MTREX: variants seen among roughly 807,000 people sequenced by gnomAD.
The protein encoded by MTREX is exosome RNA helicase MTR4.
A neutral mutation model predicts 135.4 loss-of-function variants in MTREX; 76 were observed. The observed-to-expected ratio is 0.56, with a 90% CI of 0.47 to 0.68. The LOEUF (loss-of-function observed/expected upper bound fraction) is 0.68, where lower values mean the gene tolerates loss of function less well. MTREX is among the 30% of genes least tolerant of loss of function. The pLI is 0.00. For synonymous variants in MTREX, 404 were observed against 401.6 expected (o/e 1.01, Z -0.07); for missense variants, 920 against 1,262.1 (o/e 0.73, Z 4.11).
chr5:55,352,185 A>C (rs1189287079), intron 13 of MTREX, among the ~76,000 whole-genome samples: 1 of 152,038 alleles, frequency 6.6e-6, no homozygotes, highest in South Asian at 2.1e-4. Context: ...AGCCTCATAC[A>C]TTATGTTTAA....
chr5:55,359,411 A>G (rs912828550), intron 15 of MTREX, among the ~76,000 whole-genome samples: 3 of 152,176 alleles, frequency 2.0e-5, no homozygotes, highest in Non-Finnish European at 2.9e-5. Flanking sequence ...ACATGTTAAG[A>G]CACACTTAGG....
chr5:55,363,640 T>C (rs112322503), intron 15 of MTREX, among the ~76,000 whole-genome samples: 35 of 152,324 alleles, frequency 2.3e-4, no homozygotes, highest in African/African-American at 8.4e-4. Flanking sequence ...AGAGTTCTTA[T>C]ATTTTTAGTA....
intron 5 of MTREX, among the ~76,000 whole-genome samples, chr5:55,336,232 C>CAT (rs1417618387): frequency 3.3e-5 from 5 of 152,048 alleles, no homozygotes; most frequent in Admixed American, 3.3e-4. Context: ...TGTCTTATTG[C>CAT]ATTGTCAATA....
At chr5:55,365,365 ATCC>A (rs1750085168) in intron 15 of MTREX, among the ~76,000 whole-genome samples, 1 of 152,182 alleles carries the variant, frequency 6.6e-6, no homozygotes, top group African/African-American at 2.4e-5. Context: ...CTTACTAACT[ATCC>A]TCCTAAAGTA....
At chr5:55,346,982 A>G (rs202057370) in intron 10 of MTREX, 31 bp from the exon 11 acceptor site, 2 of 1,559,678 alleles carry the variant, frequency 1.3e-6, no homozygotes, top group Non-Finnish European at 1.7e-6. Flanking sequence ...ATTTTGAGTT[A>G]ATTTTGGTGT....
intron 24 of MTREX, 35 bp from the exon 25 acceptor site, chr5:55,415,935 A>AT (rs70992787): frequency 0.029 from 42,708 of 1,478,644 alleles, 1,387 homozygotes; most frequent in Admixed American, 0.13. Flanking sequence ...ATGGGAGATC[A>AT]TAAGTAAGGA....
rs1439099312 is a variant in MTREX at position 55,366,974 on chromosome 5, A to G, written c.1810+99A>G. 6.1e-6 allele frequency: 6 copies of G among 991,690 alleles called. No homozygotes were observed. The African/African-American group carries it at 8.2e-5, about 13-fold the overall frequency. 61.4% of individuals were successfully genotyped at this position (991,690 alleles called of 1,614,324 possible). Reference sequence around the variant, plus strand: ...GCTTTGGCTTTTGTTTTTGTAAGGTAAATTTTGGTTCATACGTAATGGACT... The same window carrying G: ...GCTTTGGCTTTTGTTTTTGTAAGGTGAATTTTGGTTCATACGTAATGGACT... On this transcript the variant is annotated intron_variant, in intron 16 of 26. Transcript: ENST00000230640.
intron 19 of MTREX, among the ~76,000 whole-genome samples, chr5:55,391,845 A>G (rs1247160959): frequency 6.6e-6 from 1 of 152,066 alleles, no homozygotes; most frequent in Non-Finnish European, 1.5e-5. Flanking sequence ...ATTGATTTAT[A>G]ACTGCTGTAA....
rs972594224 is a variant in MTREX at position 55,350,981 on chromosome 5, T to C, written c.1383T>C (p.Pro461=). ...GIGIHHGGLL[P]ILKETIEILF... ...GTATTCACCATGGTGGTTTACTTCC[T>C]ATTTTGAAAGAAACTATAGAAATTC... is the stretch of plus-strand genomic sequence containing the variant. Residue 461 remains proline, a synonymous_variant, in exon 13 of 27, where the codon CCT becomes CCC. Coordinates refer to ENST00000230640, the MANE Select transcript of MTREX (RefSeq NM_015360.5). 2 of 1,607,102 alleles carry C rather than the reference T, an allele frequency of 1.2e-6. No individual in the cohort carries two copies. The highest frequency in any genetic ancestry group is 1.7e-6 in the Non-Finnish European group (2 of 1,178,378).
At chr5:55,333,693 A>G (rs976042422) in intron 5 of MTREX, among the ~76,000 whole-genome samples, 3 of 152,178 alleles carry the variant, frequency 2.0e-5, no homozygotes, top group African/African-American at 7.2e-5. Flanking sequence ...AATTCTTCAA[A>G]AAGTTATAAT....
chr5:55,423,200 C>T (rs996018563), intron 26 of MTREX: 5 of 528,336 alleles, frequency 9.5e-6, no homozygotes, highest in Non-Finnish European at 1.7e-5. Flanking sequence ...ACGCTAACTA[C>T]ATGCCAGGCA....
intron 19 of MTREX, among the ~76,000 whole-genome samples, chr5:55,396,337 G>A (rs1167106792): frequency 6.6e-6 from 1 of 152,166 alleles, no homozygotes; most frequent in Non-Finnish European, 1.5e-5. Context: ...GGGGAAATCT[G>A]AATAGGGATT....
At chr5:55,390,598 C>T (rs555723144) in intron 19 of MTREX, among the ~76,000 whole-genome samples, 1 of 152,242 alleles carries the variant, frequency 6.6e-6, no homozygotes, top group South Asian at 2.1e-4. Flanking sequence ...TGTTGCTTTG[C>T]CAGCTCCCAT....
chr5:55,344,490 A>G, intron 8 of MTREX, 32 bp from the exon 9 acceptor site: 2 of 1,424,976 alleles, frequency 1.4e-6, no homozygotes, highest in Non-Finnish European at 2.0e-6. Context: ...GAGGAAATAA[A>G]ATTTTGTATG....
chr5:55,352,329 C>T (rs940431714), intron 13 of MTREX, among the ~76,000 whole-genome samples: 1 of 152,080 alleles, frequency 6.6e-6, no homozygotes, highest in African/African-American at 2.4e-5. Context: ...TTTATACTTA[C>T]TTAGATCCTG....
intron 19 of MTREX, among the ~76,000 whole-genome samples, chr5:55,395,918 GGTGGGGAAGGTACA>G (rs1229995190): frequency 1.3e-5 from 2 of 152,214 alleles, no homozygotes; most frequent in Non-Finnish European, 2.9e-5. Flanking sequence ...ATGGAGTAGT[GGTGGGGAAGGTACA>G]GTGGTATAAA....
intron 1 of MTREX, among the ~76,000 whole-genome samples, chr5:55,312,546 C>T (rs1419951422): frequency 6.6e-6 from 1 of 151,986 alleles, no homozygotes; most frequent in Non-Finnish European, 1.5e-5. Context: ...CTATCTAGAA[C>T]TTATATTTTC....
chr5:55,347,251 C>A, intron 11 of MTREX, 107 bp downstream of exon 11: 1 of 1,125,218 alleles, frequency 8.9e-7, no homozygotes, highest in Non-Finnish European at 1.3e-6. Context: ...TGCCATTCAC[C>A]TTACAGTTAC....
chr5:55,394,514 A>G (rs1750617424), intron 19 of MTREX, among the ~76,000 whole-genome samples: 1 of 152,184 alleles, frequency 6.6e-6, no homozygotes, highest in African/African-American at 2.4e-5. Flanking sequence ...ATCAGACCTT[A>G]GATTCTCATA....
Sources: allele counts gnomAD v4.1 joint callset (sites outside exome capture counted in the v4.1 genomes callset), GRCh38; gene constraint gnomAD v4.1.1; transcripts MANE v1.5; gene names NCBI Gene and HGNC (gene_info 2026-07-23, HGNC 2026-07-21).